The following CAPN5 variants were observed in gnomAD, a reference collection of about 807,000 sequenced individuals.
CAPN5 encodes calpain 5, also known as calpain-5.
Under a neutral mutation model 73.0 loss-of-function variants are expected in CAPN5, and 54 were observed. The observed-to-expected ratio is 0.74, with a 90% CI of 0.59 to 0.93. CAPN5 has a LOEUF of 0.93. Among genes scored for constraint, CAPN5 ranks in the 40% least tolerant of loss-of-function variants. The probability of loss-of-function intolerance (pLI) is 0.00; values close to 1 mark genes in which losing one functional copy is unlikely to be tolerated. For synonymous variants in CAPN5, 335 were observed against 356.9 expected (o/e 0.94, Z 0.69); for missense variants, 785 against 882.9 (o/e 0.89, Z 1.41).
intron 3 of CAPN5, chr11:77,103,090 C>T (rs781889324): frequency 9.9e-6 from 16 of 1,613,752 alleles, no homozygotes; most frequent in African/African-American, 5.3e-5. Context: ...ACAGGCACCT[C>T]GCAGAACTGG....
intron 1 of CAPN5, among the ~76,000 whole-genome samples, chr11:77,083,105 C>T (rs769232746): frequency 1.4e-4 from 21 of 151,878 alleles, no homozygotes; most frequent in Admixed American, 2.6e-4. Context: ...TGCTGGCCTC[C>T]GTGGGCAGAG....
In CAPN5 at chr11:77,112,618, G is replaced by A. The variant is rs1437502106; in HGVS notation, c.327G>A (p.Trp109Ter). 6.2e-6 allele frequency: 10 copies of A among 1,614,112 alleles called. No individual in the cohort carries two copies. The highest frequency in any genetic ancestry group is 8.5e-6 in the Non-Finnish European group (10 of 1,180,016). ...KVIPDWKEQE[W>*]DPEKPNAYAG... Reference sequence around the variant, plus strand: ...TCCCAGACTGGAAGGAGCAGGAATGGGACCCCGAAAAGCCCAACGCCTACG... The same window carrying A: ...TCCCAGACTGGAAGGAGCAGGAATGAGACCCCGAAAAGCCCAACGCCTACG... The change falls in exon 4 of 13, where the codon TGG becomes TGA. Residue 109 changes from tryptophan to a stop codon, truncating the protein, a stop_gained. Coordinates refer to ENST00000648180, the MANE Select transcript of CAPN5 (RefSeq NM_004055.5). LOFTEE classifies it high-confidence loss of function.
intron 2 of CAPN5, among the ~76,000 whole-genome samples, chr11:77,092,559 G>C (rs1950158603): frequency 6.6e-6 from 1 of 152,260 alleles, no homozygotes; most frequent in South Asian, 2.1e-4. Flanking sequence ...AATTAGGAAG[G>C]GCTGAGCCTG....
chr11:77,075,359 G>A (rs1949958347), intron 1 of CAPN5, among the ~76,000 whole-genome samples: 1 of 152,180 alleles, frequency 6.6e-6, no homozygotes, highest in Admixed American at 6.5e-5. Context: ...CACACCTGTA[G>A]GACCTTCTTG....
intron 3 of CAPN5, among the ~76,000 whole-genome samples, chr11:77,094,359 C>G (rs1198587537): frequency 1.3e-5 from 2 of 151,068 alleles, no homozygotes; most frequent in Admixed American, 6.6e-5. Flanking sequence ...GCAACCCAAC[C>G]TCCTATCCCA....
chr11:77,112,515 C>T (rs1294140794), intron 3 of CAPN5, 74 bp from the exon 4 acceptor site: 17 of 1,152,768 alleles, frequency 1.5e-5, no homozygotes, highest in Non-Finnish European at 1.8e-5. Context: ...TGGAAGCACA[C>T]GCCCCCATTT....
At chr11:77,115,634 G>T (rs1555041619) in intron 6 of CAPN5, 46 bp downstream of exon 6, 1 of 1,526,070 alleles carries the variant, frequency 6.6e-7, no homozygotes, top group African/African-American at 1.4e-5. Context: ...TGAGGGCTTG[G>T]ACAAGGACGG....
chr11:77,081,821 G>A (rs868966071), intron 1 of CAPN5, among the ~76,000 whole-genome samples: 1 of 152,146 alleles, frequency 6.6e-6, no homozygotes, highest in East Asian at 1.9e-4. Flanking sequence ...GCCTTCCCCA[G>A]GGTGAAGGGG....
intron 1 of CAPN5, among the ~76,000 whole-genome samples, chr11:77,083,738 C>T (rs1192086792): frequency 6.6e-6 from 1 of 152,166 alleles, no homozygotes; most frequent in Non-Finnish European, 1.5e-5. Context: ...GGAGGTGCAG[C>T]AGCACTGTGT....
intron 3 of CAPN5, among the ~76,000 whole-genome samples, chr11:77,107,489 C>T (rs1950364093): frequency 6.6e-6 from 1 of 151,498 alleles, no homozygotes; most frequent in South Asian, 2.1e-4. Context: ...CAGCTTCCCT[C>T]CCTGGGCTGC....
intron 7 of CAPN5, 70 bp downstream of exon 7, chr11:77,116,373 G>T: frequency 3.1e-6 from 4 of 1,281,278 alleles, no homozygotes; most frequent in Non-Finnish European, 4.5e-6. Context: ...GGAGCACCAG[G>T]TGGGGAGTCA....
intron 10 of CAPN5, among the ~76,000 whole-genome samples, chr11:77,121,383 G>A (rs954297280): frequency 2.0e-5 from 3 of 152,218 alleles, no homozygotes; most frequent in African/African-American, 7.2e-5. Flanking sequence ...GTCCTTGCTG[G>A]GGCATAGACC....
At chr11:77,092,704 C>G (rs1240957571) in intron 2 of CAPN5, among the ~76,000 whole-genome samples, 1 of 152,264 alleles carries the variant, frequency 6.6e-6, no homozygotes, top group African/African-American at 2.4e-5. Context: ...AGGCTGGGCG[C>G]AGTGGCTTAT....
At chr11:77,102,798 C>G in intron 3 of CAPN5, 2 of 1,505,660 alleles carry the variant, frequency 1.3e-6, no homozygotes, top group Non-Finnish European at 1.8e-6. Flanking sequence ...CAGGCTCCAG[C>G]CCACTTGGGT....
At chr11:77,116,372 G>A in intron 7 of CAPN5, 69 bp downstream of exon 7, 1 of 1,288,032 alleles carries the variant, frequency 7.8e-7, no homozygotes, top group Admixed American at 1.9e-5. Flanking sequence ...GGGAGCACCA[G>A]GTGGGGAGTC....
intron 3 of CAPN5, among the ~76,000 whole-genome samples, chr11:77,110,738 G>A (rs142537974): frequency 7.0e-4 from 107 of 152,360 alleles, no homozygotes; most frequent in Middle Eastern, 3.4e-3. Flanking sequence ...GGTCTCACAT[G>A]TCCCATTAGG....
chr11:77,089,182 AG>A (rs1555036088), intron 2 of CAPN5, among the ~76,000 whole-genome samples: 1 of 152,192 alleles, frequency 6.6e-6, no homozygotes, highest in African/African-American at 2.4e-5. Flanking sequence ...AAGGGAGCAC[AG>A]GTGGCTGGCA....
chr11:77,079,326 T>C (rs1231507076), intron 1 of CAPN5, among the ~76,000 whole-genome samples: 2 of 152,172 alleles, frequency 1.3e-5, no homozygotes, highest in Non-Finnish European at 2.9e-5. Context: ...TTTCTTTTCT[T>C]GTAGTGTCTT....
Position 77,084,119 on chromosome 11 carries a change from C to T in CAPN5, c.-35-733C>T, listed in dbSNP as rs377662180. ...CACCTGATATGCAGGCCCTGCCAGC[C>T]GCTGTTCCTTGCCCTGCCCTGCCCT... On this transcript the variant is annotated intron_variant, in intron 1 of 12. Coordinates refer to ENST00000648180, the MANE Select transcript of CAPN5 (RefSeq NM_004055.5). 3.1e-3 allele frequency among the ~76,000 whole-genome samples: 470 copies of T among 152,324 alleles called. 2 individuals are homozygous for T. The highest frequency in any genetic ancestry group is 0.011 in the African/African-American group (441 of 41,564).
Sources: gnomAD v4.1 joint callset for allele counts (sites outside exome capture counted in the v4.1 genomes callset) on GRCh38, gnomAD v4.1.1 for gene constraint, MANE v1.5 for transcripts, NCBI Gene and HGNC (gene_info 2026-07-23, HGNC 2026-07-21) for gene names.